CALN1: variants seen among roughly 807,000 people sequenced by gnomAD.
The protein encoded by CALN1 is calcium-binding protein 8.
A neutral mutation model predicts 30.6 loss-of-function variants in CALN1; 17 were observed. The observed-to-expected ratio is 0.56, with a 90% CI of 0.38 to 0.83. The LOEUF is 0.83. Among genes scored for constraint, CALN1 ranks in the 40% least tolerant of loss-of-function variants. The probability of loss-of-function intolerance (pLI) is 0.00; values close to 1 mark genes in which losing one functional copy is unlikely to be tolerated. For synonymous variants in CALN1, 156 were observed against 131.4 expected (o/e 1.19, Z -1.28); for missense variants, 291 against 354.9 (o/e 0.82, Z 1.45).
At chr7:71,899,648 GA>G (rs1030866677) in intron 5 of CALN1, among the ~76,000 whole-genome samples, 19 of 151,802 alleles carry the variant, frequency 1.3e-4, no homozygotes, top group African/African-American at 2.4e-4. Flanking sequence ...TTTGGAATTA[GA>G]AAAAAAATCA....
chr7:71,803,293 C>A (rs1049871856), intron 6 of CALN1, among the ~76,000 whole-genome samples: 2 of 152,076 alleles, frequency 1.3e-5, no homozygotes, highest in East Asian at 3.9e-4. Flanking sequence ...GATTTTCCAT[C>A]GGGAAGCCAG....
chr7:72,054,430 C>T lies in CALN1; in HGVS notation c.389-30661G>A, dbSNP rs1175834247. Among the ~76,000 whole-genome samples the T allele has an allele frequency of 2.6e-3, 107 of 41,394 alleles. 3 individuals are homozygous for T. The highest frequency in any genetic ancestry group is 0.02 in the East Asian group (5 of 250). 27.2% of individuals were successfully genotyped at this position (41,394 alleles called of 152,430 possible). A position where few individuals can be genotyped will look rare whatever the true frequency, so the allele number is the denominator to read the frequency against. On this transcript the variant is annotated intron_variant, in intron 4 of 6. Transcript: ENST00000395275. Reference sequence around the variant, plus strand: ...ATATATATATATACGTGTATATATACACGTATATATATATATACATATATA... The same window carrying T: ...ATATATATATATACGTGTATATATATACGTATATATATATATACATATATA...
At chr7:72,115,917 A>G (rs73371738) in intron 3 of CALN1, among the ~76,000 whole-genome samples, 1 of 151,996 alleles carries the variant, frequency 6.6e-6, no homozygotes, top group African/African-American at 2.4e-5. Context: ...ATAACATGCA[A>G]TATTTTTCTT....
At chr7:72,196,767 C>A (rs1255306634) in intron 3 of CALN1, among the ~76,000 whole-genome samples, 1 of 152,144 alleles carries the variant, frequency 6.6e-6, no homozygotes, top group Non-Finnish European at 1.5e-5. Flanking sequence ...AAACACCTTA[C>A]CTATGTAATT....
At chr7:72,369,549 C>A (rs1804096245) in intron 2 of CALN1, among the ~76,000 whole-genome samples, 1 of 151,788 alleles carries the variant, frequency 6.6e-6, no homozygotes, top group Admixed American at 6.6e-5. Context: ...TTAGTAGAGA[C>A]GGGGTTTCTC....
chr7:72,159,512 A>G (rs904429907), intron 3 of CALN1, among the ~76,000 whole-genome samples: 1 of 151,870 alleles, frequency 6.6e-6, no homozygotes, highest in African/African-American at 2.4e-5. Flanking sequence ...AAATAAAATA[A>G]CACAGCCAGG....
chr7:72,413,276 GCA>G (rs888940517), upstream of CALN1, among the ~76,000 whole-genome samples: 32 of 142,352 alleles, frequency 2.2e-4, no homozygotes, highest in African/African-American at 4.7e-4. Flanking sequence ...ACACACACAT[GCA>G]CACACACACC....
chr7:72,388,625 G>A (rs149560383), intron 2 of CALN1, among the ~76,000 whole-genome samples: 7 of 152,274 alleles, frequency 4.6e-5, no homozygotes, highest in Middle Eastern at 3.4e-3. Flanking sequence ...TCTAAAAAAA[G>A]TTTATTCTTA....
intron 3 of CALN1, among the ~76,000 whole-genome samples, chr7:72,106,722 G>GAGGGAGGAAGGA (rs1807157809): frequency 1.4e-4 from 2 of 14,762 alleles, no homozygotes; most frequent in African/African-American, 5.8e-4. Context: ...GGGAGGAAGG[G>GAGGGAGGAAGGA]AGGGAGGGAG....
rs188696007 is a variant in CALN1 at position 71,957,346 on chromosome 7, G to A, written c.501+66311C>T. On this transcript the variant is annotated intron_variant, in intron 5 of 6. Coordinates refer to ENST00000395275, the MANE Select transcript of CALN1 (RefSeq NM_031468.4). ...TTAATGATTCTGGAAAGACAAAAACGTGATGAAATCTGATACAAAAGCCTA... is the reference window on the plus strand; with the variant it reads ...TTAATGATTCTGGAAAGACAAAAACATGATGAAATCTGATACAAAAGCCTA... Among the ~76,000 whole-genome samples, 269 of 152,138 alleles carry A rather than the reference G, an allele frequency of 1.8e-3. 1 individual carries two copies. Among genetic ancestry groups the A allele is most frequent in the African/African-American group, 6.0e-3 (247 of 41,500 alleles).
intron 3 of CALN1, among the ~76,000 whole-genome samples, chr7:72,167,190 G>A (rs1039154917): frequency 6.6e-6 from 1 of 152,160 alleles, no homozygotes; most frequent in Non-Finnish European, 1.5e-5. Context: ...TAATTCAGAT[G>A]GAAACCCTTG....
intron 4 of CALN1, among the ~76,000 whole-genome samples, chr7:72,029,235 T>C (rs1242874992): frequency 6.6e-6 from 1 of 152,002 alleles, no homozygotes; most frequent in East Asian, 1.9e-4. Context: ...CACGCCATTC[T>C]CCTGCCTCAG....
At chr7:72,208,636 T>A (rs910173751) in intron 3 of CALN1, among the ~76,000 whole-genome samples, 4 of 152,236 alleles carry the variant, frequency 2.6e-5, no homozygotes, top group African/African-American at 7.2e-5. Context: ...TCCTTCTTCT[T>A]GCTTTTCCGT....
At chr7:72,225,683 G>C (rs1345522723) in intron 3 of CALN1, among the ~76,000 whole-genome samples, 2 of 152,132 alleles carry the variant, frequency 1.3e-5, no homozygotes, top group African/African-American at 4.8e-5. Flanking sequence ...CATCTTGTGT[G>C]TTCCTCACTT....
chr7:72,234,925 T>G (rs1794376016), intron 3 of CALN1, among the ~76,000 whole-genome samples: 1 of 152,156 alleles, frequency 6.6e-6, no homozygotes, highest in Admixed American at 6.6e-5. Flanking sequence ...TTGCTATAAT[T>G]TCCCAACATA....
chr7:72,203,977 CTCT>C, intron 3 of CALN1, among the ~76,000 whole-genome samples: 1 of 92,284 alleles, frequency 1.1e-5, no homozygotes, highest in African/African-American at 6.1e-5. Flanking sequence ...AGAGGCCTCT[CTCT>C]TTTTTTTTTT....
At chr7:72,008,663 T>G (rs1256820529) in intron 5 of CALN1, among the ~76,000 whole-genome samples, 1 of 151,598 alleles carries the variant, frequency 6.6e-6, no homozygotes, top group Admixed American at 6.6e-5. Context: ...TTCAATTTTT[T>G]TTTTTTTTTT....
chr7:72,083,186 CAGAG>C (rs150143452), intron 4 of CALN1, among the ~76,000 whole-genome samples: 3 of 151,754 alleles, frequency 2.0e-5, no homozygotes, highest in Non-Finnish European at 4.4e-5. Context: ...GAGAAACAGA[CAGAG>C]ACTCTGTCTC....
chr7:72,401,467 A>C (rs1806339049), intron 2 of CALN1, among the ~76,000 whole-genome samples: 1 of 150,228 alleles, frequency 6.7e-6, no homozygotes, highest in Non-Finnish European at 1.5e-5. Context: ...ACAAAAACAG[A>C]AACATGTTCA....
Sources: allele counts gnomAD v4.1 joint callset (sites outside exome capture counted in the v4.1 genomes callset), GRCh38; gene constraint gnomAD v4.1.1; transcripts MANE v1.5; gene names NCBI Gene and HGNC (gene_info 2026-07-23, HGNC 2026-07-21).